FOXN3: variants seen among roughly 807,000 people sequenced by gnomAD.
FOXN3 encodes the protein forkhead box protein N3.
Under a neutral mutation model 38.4 loss-of-function variants are expected in FOXN3, and 7 were observed. The ratio of observed to expected loss-of-function variants is 0.18; its 90% CI spans 0.10 to 0.34. FOXN3 has a LOEUF of 0.34. Ranked by LOEUF, FOXN3 falls within the 10% of genes least tolerant of loss-of-function variation. The pLI is 1.00. For synonymous variants in FOXN3, 230 were observed against 242.2 expected, an observed-to-expected ratio of 0.95 and a Z score of 0.47; for missense variants, 456 against 613.4, an observed-to-expected ratio of 0.74 and a Z score of 2.71.
At chr14:89,234,834 T>C (rs1460249021) in intron 4 of FOXN3, among the ~76,000 whole-genome samples, 3 of 152,192 alleles carry the variant, frequency 2.0e-5, no homozygotes, top group African/African-American at 7.2e-5. Context: ...AACATGCTTA[T>C]GTTTTCCTGT....
intron 2 of FOXN3, among the ~76,000 whole-genome samples, chr14:89,396,390 TG>T (rs1891099103): frequency 6.6e-6 from 1 of 152,206 alleles, no homozygotes. Context: ...CACAGATCTG[TG>T]GGTTTTACCA....
At chr14:89,229,676 C>G (rs1884748668) in intron 4 of FOXN3, among the ~76,000 whole-genome samples, 1 of 152,212 alleles carries the variant, frequency 6.6e-6, no homozygotes, top group South Asian at 2.1e-4. Context: ...AGCCAATCCT[C>G]TGCCAGGCTT....
chr14:89,395,863 T>A (rs956549317), intron 2 of FOXN3, among the ~76,000 whole-genome samples: 2 of 151,870 alleles, frequency 1.3e-5, no homozygotes, highest in Non-Finnish European at 2.9e-5. Context: ...ATAATGAACA[T>A]AGAGTTTATC....
At chr14:89,572,354 T>C (rs2139896692) in intron 1 of FOXN3, among the ~76,000 whole-genome samples, 1 of 152,354 alleles carries the variant, frequency 6.6e-6, no homozygotes, top group South Asian at 2.1e-4. Flanking sequence ...TTCTCCCTTG[T>C]GTTTGGGAAA....
chr14:89,373,083 T>G (rs1338446949), intron 2 of FOXN3, among the ~76,000 whole-genome samples: 1 of 151,920 alleles, frequency 6.6e-6, no homozygotes, highest in Non-Finnish European at 1.5e-5. Context: ...GGATGATCAC[T>G]CAAGCCCAAG....
chr14:89,428,907 G>A (rs1434036706), intron 1 of FOXN3, among the ~76,000 whole-genome samples: 1 of 152,218 alleles, frequency 6.6e-6, no homozygotes, highest in African/African-American at 2.4e-5. Flanking sequence ...AGAGCTCTCC[G>A]GAGGCTGCCC....
At chr14:89,464,194 G>T (rs1361998314) in intron 1 of FOXN3, among the ~76,000 whole-genome samples, 1 of 152,166 alleles carries the variant, frequency 6.6e-6, no homozygotes, top group African/African-American at 2.4e-5. Context: ...AAGGAATAAG[G>T]AAGCGTCACG....
At chr14:89,294,542 C>T (rs1886978919) in intron 3 of FOXN3, among the ~76,000 whole-genome samples, 1 of 152,148 alleles carries the variant, frequency 6.6e-6, no homozygotes, top group Non-Finnish European at 1.5e-5. Flanking sequence ...ATGGTGAAGG[C>T]ATTCTAAGTC....
chr14:89,461,463 A>C (rs886528597), intron 1 of FOXN3, among the ~76,000 whole-genome samples: 5 of 152,170 alleles, frequency 3.3e-5, no homozygotes, highest in African/African-American at 1.2e-4. Context: ...GCATCATATC[A>C]GGGTATTTCC....
chr14:89,380,895 A>G (rs1377397515), intron 2 of FOXN3, among the ~76,000 whole-genome samples: 1 of 152,076 alleles, frequency 6.6e-6, no homozygotes, highest in African/African-American at 2.4e-5. Flanking sequence ...TAATCCCAGC[A>G]TTTTGGGAGG....
intron 1 of FOXN3, among the ~76,000 whole-genome samples, chr14:89,515,630 G>A (rs901205190): frequency 6.6e-6 from 1 of 152,180 alleles, no homozygotes; most frequent in African/African-American, 2.4e-5. Context: ...CAGCTACTCA[G>A]GAGGCTGAGG....
Position 89,161,502 on chromosome 14 carries a change from G to C in FOXN3, c.*912C>G, listed in dbSNP as rs1157519561. The C allele has an allele frequency of 1.3e-5, 2 of 149,020 alleles. No homozygotes were observed. Among genetic ancestry groups the C allele is most frequent in the Non-Finnish European group, 3.0e-5 (2 of 67,754 alleles). The allele number at this position is 149,020 out of a possible 1,614,324, so 9.2% of individuals were successfully genotyped here. ...CCTGGACTTGGTTGCTTTTCACTTG[G>C]GCAGTTAAGAAGACACAGCTTGTTT... is the stretch of plus-strand genomic sequence containing the variant. On this transcript the variant is annotated 3_prime_UTR_variant, in exon 6 of 6. Transcript: ENST00000557258.
At chr14:89,605,064 T>C (rs1896241976) in intron 1 of FOXN3, among the ~76,000 whole-genome samples, 1 of 141,250 alleles carries the variant, frequency 7.1e-6, no homozygotes, top group Non-Finnish European at 1.5e-5. Flanking sequence ...ATGAAGGGGG[T>C]GGGTTGGGGG....
chr14:89,505,150 G>A (rs1438857626), intron 1 of FOXN3, among the ~76,000 whole-genome samples: 1 of 152,204 alleles, frequency 6.6e-6, no homozygotes, highest in Non-Finnish European at 1.5e-5. Flanking sequence ...CAGAGATGCA[G>A]CATGACTGAG....
chr14:89,383,146 T>C (rs1239636255), intron 2 of FOXN3, among the ~76,000 whole-genome samples: 1 of 146,598 alleles, frequency 6.8e-6, no homozygotes, highest in Non-Finnish European at 1.5e-5. Context: ...GAGTCTGAAC[T>C]AAACATATGT....
intron 1 of FOXN3, among the ~76,000 whole-genome samples, chr14:89,615,837 T>G (rs952231825): frequency 6.6e-6 from 1 of 152,244 alleles, no homozygotes; most frequent in Non-Finnish European, 1.5e-5. Flanking sequence ...ACGACATACA[T>G]GCAGAATATT....
intron 1 of FOXN3, among the ~76,000 whole-genome samples, chr14:89,441,632 C>T (rs1892385041): frequency 6.6e-6 from 1 of 152,124 alleles, no homozygotes; most frequent in Non-Finnish European, 1.5e-5. Context: ...CCAAGGGCTA[C>T]CAGATTGGGG....
chr14:89,354,098 T>C (rs6575057), intron 2 of FOXN3, among the ~76,000 whole-genome samples: 151,390 of 152,296 alleles, frequency 0.99, 75,253 homozygotes, highest in Middle Eastern at 1. Context: ...ATTTAATGTT[T>C]CTAATAGGAG....
chr14:89,321,880 C>T (rs7150036), intron 3 of FOXN3, among the ~76,000 whole-genome samples: 3,204 of 152,114 alleles, frequency 0.021, 101 homozygotes, highest in African/African-American at 0.071. Flanking sequence ...AAGAGGCCCA[C>T]GGCAATGATC....
Sources: allele counts gnomAD v4.1 joint callset (sites outside exome capture counted in the v4.1 genomes callset), GRCh38; gene constraint gnomAD v4.1.1; transcripts MANE v1.5; gene names NCBI Gene and HGNC (gene_info 2026-07-23, HGNC 2026-07-21).